Variants in CACNA2D4 observed in about 807,000 individuals in gnomAD.
CACNA2D4 encodes the protein calcium voltage-gated channel auxiliary subunit alpha2delta 4.
CACNA2D4 carries 157 observed loss-of-function variants against 163.8 expected under a neutral mutation model. The observed-to-expected ratio is 0.96, with a 90% CI of 0.84 to 1.09. The LOEUF is 1.09. CACNA2D4 is among the 50% of genes least tolerant of loss of function. CACNA2D4 has a pLI of 0.00. For synonymous variants in CACNA2D4, 598 were observed against 586.9 expected, an observed-to-expected ratio of 1.02 and a Z score of -0.27; for missense variants, 1,410 against 1,479.9, an observed-to-expected ratio of 0.95 and a Z score of 0.78.
At chr12:1,867,240 G>T (rs1463591900) in intron 18 of CACNA2D4, among the ~76,000 whole-genome samples, 2 of 152,096 alleles carry the variant, frequency 1.3e-5, no homozygotes, top group African/African-American at 4.8e-5. Context: ...GCTGTTTTAT[G>T]TCAAATTCAG....
intron 37 of CACNA2D4, chr12:1,794,971 C>G (rs1252908536): frequency 4.2e-6 from 2 of 479,996 alleles, no homozygotes; most frequent in African/African-American, 1.9e-5. Flanking sequence ...AAAGATACCT[C>G]TATCATTCCA....
intron 23 of CACNA2D4, among the ~76,000 whole-genome samples, chr12:1,852,885 A>C (rs563434603): frequency 4.6e-5 from 7 of 152,082 alleles, no homozygotes; most frequent in Admixed American, 1.3e-4. Context: ...TGATCTCGCT[A>C]TGCTTTGTTT....
chr12:1,821,801 G>A (rs1864115110), intron 26 of CACNA2D4, among the ~76,000 whole-genome samples: 1 of 152,154 alleles, frequency 6.6e-6, no homozygotes, highest in Non-Finnish European at 1.5e-5. Flanking sequence ...TGCAGGTCTG[G>A]GGCTGGGTTC....
chr12:1,792,773 C>A lies in CACNA2D4; in HGVS notation c.*882G>T, dbSNP rs749709878. ...AACCCTAAGGATTTCACTCCAGGGA[C>A]AGAGTCAAGTAGATTCTTTTGTAAA... On this transcript the variant is annotated 3_prime_UTR_variant, in exon 38 of 38. Coordinates refer to ENST00000382722, the MANE Select transcript of CACNA2D4 (RefSeq NM_172364.5). 3 of 152,198 alleles carry A rather than the reference C, an allele frequency of 2.0e-5. No homozygotes were observed. Among genetic ancestry groups the A allele is most frequent in the South Asian group, 2.1e-4 (1 of 4,826 alleles). 9.4% of individuals were successfully genotyped at this position (152,198 alleles called of 1,614,324 possible). A position where few individuals can be genotyped will look rare whatever the true frequency, so the allele number is the denominator to read the frequency against.
Position 1,879,324 on chromosome 12 carries a change from C to A in CACNA2D4, c.1564-288G>T, listed in dbSNP as rs543566168. Among the ~76,000 whole-genome samples the A allele has an allele frequency of 7.9e-5, 12 of 152,172 alleles. No homozygotes were observed. In the East Asian group the frequency reaches 2.3e-3, roughly 29 times the overall value. ...AAATATTAATCTTCACGGCACAGGGCGAAGTTATCGGGATCTCAGGGACCA... is the reference window on the plus strand; with the variant it reads ...AAATATTAATCTTCACGGCACAGGGAGAAGTTATCGGGATCTCAGGGACCA... On this transcript the variant is annotated intron_variant, in intron 14 of 37. Transcript: ENST00000382722.
At chr12:1,909,303 T>C (rs1269226432) in intron 4 of CACNA2D4, among the ~76,000 whole-genome samples, 1 of 152,254 alleles carries the variant, frequency 6.6e-6, no homozygotes, top group African/African-American at 2.4e-5. Flanking sequence ...GCCATTCTCC[T>C]GCCTCAGCCT....
intron 18 of CACNA2D4, among the ~76,000 whole-genome samples, chr12:1,871,569 GTA>G (rs1565721431): frequency 1.3e-5 from 2 of 151,226 alleles, no homozygotes; most frequent in East Asian, 3.9e-4. Flanking sequence ...GCTGGTGTGT[GTA>G]CGTGTGTGTT....
At chr12:1,797,294 G>A in intron 35 of CACNA2D4, 124 bp downstream of exon 35, 3 of 736,298 alleles carry the variant, frequency 4.1e-6, no homozygotes, top group Non-Finnish European at 7.0e-6. Flanking sequence ...TCTGCACTTA[G>A]ACGCATCCCC....
At chr12:1,879,964 AC>A in intron 13 of CACNA2D4, 83 bp from the exon 14 acceptor site, 1 of 781,534 alleles carries the variant, frequency 1.3e-6, no homozygotes, top group Non-Finnish European at 2.1e-6. Context: ...AGTGCGGAGA[AC>A]CCACAGTCAC....
chr12:1,793,759 C>T lies in CACNA2D4; in HGVS notation c.3310G>A (p.Glu1104Lys), dbSNP rs768861834. The T allele has an allele frequency of 3.1e-6, 5 of 1,612,556 alleles. No homozygotes were observed. Among genetic ancestry groups the T allele is most frequent in the Non-Finnish European group, 4.2e-6 (5 of 1,179,584 alleles). Residue 1104 changes from glutamate to lysine, a missense_variant and splice_region_variant, in exon 38 of 38, where the codon GAG becomes AAG. Coordinates refer to ENST00000382722, the MANE Select transcript of CACNA2D4 (RefSeq NM_172364.5). ...PDSCHAFHPE[E>K]NAQDCGGASD... is the part of the protein sequence containing the mutation. ...GCGCCGCCGCAGTCCTGGGCATTCT[C>T]CTGCGAACGCAGAGCAGAGGTGACA... is the stretch of plus-strand genomic sequence containing the variant.
rs548462178 is a variant in CACNA2D4 at position 1,821,608 on chromosome 12, A to G, written c.2552-9885T>C. On this transcript the variant is annotated intron_variant, in intron 26 of 37. Coordinates refer to ENST00000382722, the MANE Select transcript of CACNA2D4 (RefSeq NM_172364.5). ...CAGGGAGCCTTAGTGGGGGCTGGACACTGAGCTTGGGTGGGGGGTACACAG... is the reference window on the plus strand; with the variant it reads ...CAGGGAGCCTTAGTGGGGGCTGGACGCTGAGCTTGGGTGGGGGGTACACAG... Among the ~76,000 whole-genome samples, 6 of 152,196 alleles carry G rather than the reference A, an allele frequency of 3.9e-5. No individual in the cohort carries two copies. The South Asian group carries it at 1.2e-3, about 32-fold the overall frequency.
At position 1,882,965 on chromosome 12, in the gene CACNA2D4, G is replaced by A. The variant is rs1238521188; in HGVS notation, c.1387C>T (p.Gln463Ter). The part of the protein sequence containing the change: ...YTQISTLADT[Q>*]ENVMEYLHVL... ...TGCAGGTATTCCATCACGTTCTCCT[G>A]GGTGTCCGCCAGCGTTGAGATCTGC... Residue 463 changes from glutamine to a stop codon, truncating the protein, a stop_gained, in exon 13 of 38, where the codon CAG becomes TAG. Coordinates refer to ENST00000382722, the MANE Select transcript of CACNA2D4 (RefSeq NM_172364.5). LOFTEE classifies it high-confidence loss of function. The A allele has an allele frequency of 6.2e-7, 1 of 1,613,324 alleles. No homozygotes were observed. Among genetic ancestry groups the A allele is most frequent in the Admixed American group, 1.7e-5 (1 of 59,936 alleles).
chr12:1,811,643 G>T lies in CACNA2D4; in HGVS notation c.2613+19C>A. 3 of 1,557,390 alleles carry T rather than the reference G, an allele frequency of 1.9e-6. No homozygotes were observed. Among genetic ancestry groups the T allele is most frequent in the Non-Finnish European group, 2.6e-6 (3 of 1,149,996 alleles). On this transcript the variant is annotated intron_variant, in intron 27 of 37. Transcript: ENST00000382722. ...CGTGGTGAGTCCCCAGCCCCGACCT[G>T]GCCCGACATCACACCTACCTGCCGC...
intron 26 of CACNA2D4, among the ~76,000 whole-genome samples, chr12:1,839,132 C>T (rs961230835): frequency 3.3e-5 from 5 of 152,214 alleles, no homozygotes; most frequent in African/African-American, 7.2e-5. Flanking sequence ...AGAGCCCAGC[C>T]GGCTCCTTTG....
At position 1,802,652 on chromosome 12, in the gene CACNA2D4, C is replaced by T. The variant is rs1028603470; in HGVS notation, c.2722-1008G>A. Among the ~76,000 whole-genome samples the T allele has an allele frequency of 3.9e-5, 6 of 152,304 alleles. No homozygotes were observed. Among genetic ancestry groups the T allele is most frequent in the South Asian group, 2.1e-4 (1 of 4,830 alleles). ...TTAAAAATTGGGGATAGCGTGTGTC[C>T]GGCGTGTGGCTCCCAGTAAATACTT... On this transcript the variant is annotated intron_variant, in intron 29 of 37. Transcript: ENST00000382722. This position sits in a 1 kb window ranked among gnomAD's most constrained non-coding sequence, Gnocchi z 4.7.
At chr12:1,867,864 A>G (rs193142771) in intron 18 of CACNA2D4, among the ~76,000 whole-genome samples, 51 of 152,340 alleles carry the variant, frequency 3.3e-4, no homozygotes, top group Middle Eastern at 6.8e-3. Context: ...ATATTTGAAA[A>G]GCTGCTCAAC....
chr12:1,909,848 A>G (rs1361063300), intron 4 of CACNA2D4, 58 bp downstream of exon 4: 2 of 1,496,468 alleles, frequency 1.3e-6, no homozygotes, highest in African/African-American at 1.4e-5. Context: ...CGCCACCCCC[A>G]TATCTGGTAC....
rs576090157 is a variant in CACNA2D4 at position 1,819,936 on chromosome 12, C to T, written c.2552-8213G>A. ...CGTCGGGTGGTCAGACCCTGAGGCT[C>T]AGTGACCTCTGCATGACCATGTGAT... On this transcript the variant is annotated intron_variant, in intron 26 of 37. Transcript: ENST00000382722. Among the ~76,000 whole-genome samples, 331 of 152,332 alleles carry T rather than the reference C, an allele frequency of 2.2e-3. 1 individual carries two copies. The highest frequency in any genetic ancestry group is 2.8e-3 in the Non-Finnish European group (190 of 68,024).
chr12:1,904,536 G>T (rs1324126269), intron 6 of CACNA2D4, among the ~76,000 whole-genome samples: 1 of 151,694 alleles, frequency 6.6e-6, no homozygotes, highest in East Asian at 1.9e-4. Context: ...TAAAAAAACA[G>T]AATTATTAGT....
Sources: gnomAD v4.1 joint callset for allele counts (sites outside exome capture counted in the v4.1 genomes callset) on GRCh38, gnomAD v4.1.1 for gene constraint, Gnocchi (gnomAD v3.1) non-coding constraint, MANE v1.5 for transcripts, NCBI Gene and HGNC (gene_info 2026-07-23, HGNC 2026-07-21) for gene names.